Variants in DYM observed in about 807,000 individuals in gnomAD.
The protein encoded by DYM is dyggve-Melchior-Clausen syndrome protein.
In DYM, 78 loss-of-function variants were observed where a neutral mutation model predicts 93.1. The ratio of observed to expected loss-of-function variants is 0.84; its 90% CI spans 0.70 to 1.01. The LOEUF (loss-of-function observed/expected upper bound fraction) is 1.01. DYM is among the 50% of genes least tolerant of loss of function. DYM has a pLI of 0.00. For missense variants in DYM, 789 were observed against 845.0 expected (o/e 0.93, Z 0.82); for synonymous variants, 321 against 319.7 (o/e 1.00, Z -0.04).
At chr18:49,219,259 A>G (rs963051074) in intron 13 of DYM, among the ~76,000 whole-genome samples, 3 of 152,226 alleles carry the variant, frequency 2.0e-5, no homozygotes, top group Admixed American at 1.3e-4. Context: ...TTGTGGCAAT[A>G]ATCAATAGCT....
rs147373807 is a variant in DYM, at chr18:49,332,348, C to T, written c.621-342G>A. Among the ~76,000 whole-genome samples, 508 of 152,282 alleles carry T rather than the reference C, an allele frequency of 3.3e-3. 6 individuals carry two copies. The highest frequency in any genetic ancestry group is 0.019 in the Admixed American group (285 of 15,300). ...AACTCCTAAACTCAAGCGATCCTCC[C>T]GCTTCAGCCTCCCAAAGTGCTGAGA... On this transcript the variant is annotated intron_variant, in intron 7 of 17. Transcript: ENST00000675505.
At chr18:49,356,476 T>TA (rs2065575462) in intron 6 of DYM, among the ~76,000 whole-genome samples, 1 of 152,180 alleles carries the variant, frequency 6.6e-6, no homozygotes, top group South Asian at 2.1e-4. Flanking sequence ...TTGCAACACC[T>TA]AAAACTTAAA....
At chr18:49,185,779 C>A (rs1211961776) in intron 14 of DYM, among the ~76,000 whole-genome samples, 1 of 152,144 alleles carries the variant, frequency 6.6e-6, no homozygotes, top group Non-Finnish European at 1.5e-5. Flanking sequence ...CTGTTATTCC[C>A]AACTTGCTTG....
intron 17 of DYM, among the ~76,000 whole-genome samples, chr18:49,072,876 G>C (rs2077000470): frequency 6.6e-6 from 1 of 152,114 alleles, no homozygotes; most frequent in South Asian, 2.1e-4. Flanking sequence ...TTGCTATCGT[G>C]TGCCCCTTCC....
chr18:49,250,275 A>G (rs2094257240), intron 13 of DYM, among the ~76,000 whole-genome samples: 1 of 152,214 alleles, frequency 6.6e-6, no homozygotes, highest in Non-Finnish European at 1.5e-5. Flanking sequence ...TATCTCCAGT[A>G]ATTATTACTC....
chr18:49,266,425 G>T (rs1313840771), intron 11 of DYM, among the ~76,000 whole-genome samples: 2 of 152,140 alleles, frequency 1.3e-5, no homozygotes, highest in African/African-American at 4.8e-5. Context: ...AGACCAGCCT[G>T]GGCAACATGG....
At chr18:49,416,260 C>A (rs897251934) in intron 2 of DYM, among the ~76,000 whole-genome samples, 2 of 152,128 alleles carry the variant, frequency 1.3e-5, no homozygotes, top group African/African-American at 2.4e-5. Flanking sequence ...TTATTATTTC[C>A]ATTTTACAAA....
At chr18:49,332,744 C>A (rs1456114094) in intron 7 of DYM, among the ~76,000 whole-genome samples, 1 of 152,068 alleles carries the variant, frequency 6.6e-6, no homozygotes, top group East Asian at 1.9e-4. Flanking sequence ...CATAATGATA[C>A]TATAAAAACC....
At chr18:49,188,777 C>T (rs2090691363) in intron 14 of DYM, among the ~76,000 whole-genome samples, 1 of 152,086 alleles carries the variant, frequency 6.6e-6, no homozygotes, top group East Asian at 1.9e-4. Flanking sequence ...CAATGTGGCA[C>T]ATGTATACGT....
intron 15 of DYM, among the ~76,000 whole-genome samples, chr18:49,155,669 A>G (rs772469630): frequency 6.6e-6 from 1 of 152,234 alleles, no homozygotes; most frequent in African/African-American, 2.4e-5. Context: ...TTCACTTAGC[A>G]TAATGTTTTC....
intron 15 of DYM, among the ~76,000 whole-genome samples, chr18:49,134,740 T>C (rs1301929294): frequency 6.6e-6 from 1 of 152,222 alleles, no homozygotes; most frequent in African/African-American, 2.4e-5. Context: ...TAAAATAAGA[T>C]GTAGTCCTTG....
chr18:49,370,683 C>T (rs2066954133), intron 5 of DYM, among the ~76,000 whole-genome samples: 1 of 152,194 alleles, frequency 6.6e-6, no homozygotes, highest in South Asian at 2.1e-4. Flanking sequence ...AGGAGAACCA[C>T]TTGAACCCAG....
intron 8 of DYM, among the ~76,000 whole-genome samples, chr18:49,324,975 C>T (rs2062780666): frequency 6.6e-6 from 1 of 152,038 alleles, no homozygotes; most frequent in Non-Finnish European, 1.5e-5. Flanking sequence ...TGACTCTATC[C>T]CAAATCTTCT....
chr18:49,378,572 T>G lies in DYM; in HGVS notation c.416A>C (p.Asn139Thr), dbSNP rs747398994. 37 of 1,609,426 alleles carry G rather than the reference T, an allele frequency of 2.3e-5. 1 individual carries two copies. In the South Asian group the frequency reaches 4.0e-4, roughly 17 times the overall value. ...HFTYEEKSPGNYSSDSEDLLE... is the reference protein window; with the variant it reads ...HFTYEEKSPGTYSSDSEDLLE... Reference sequence around the variant, plus strand: ...TCTTTAAAAACAATACTTACTGTAATTGCCAGGAGATTTTTCTTCATAAGT... The same window carrying G: ...TCTTTAAAAACAATACTTACTGTAAGTGCCAGGAGATTTTTCTTCATAAGT... Residue 139 changes from asparagine to threonine, a missense_variant, in exon 5 of 18, where the codon AAT becomes ACT. Physicochemically the swap from Asn to Thr is moderately conservative, Grantham distance 65 (BLOSUM62 0). Around this residue, in one of 3 missense-constraint regions of DYM, gnomAD observed 450 missense variants for 436.2 expected, o/e 1.03. Transcript: ENST00000675505.
chr18:49,289,758 T>TATATATATATATACAC (rs2059960238), intron 8 of DYM, among the ~76,000 whole-genome samples: 2 of 38,178 alleles, frequency 5.2e-5, no homozygotes, highest in African/African-American at 1.4e-4. Flanking sequence ...TATATATATA[T>TATATATATATATACAC]ATATATATAT....
intron 1 of DYM, among the ~76,000 whole-genome samples, chr18:49,451,619 C>A (rs2082523367): frequency 6.6e-6 from 1 of 152,228 alleles, no homozygotes; most frequent in South Asian, 2.1e-4. Context: ...TCTTGTGGAA[C>A]AGAGTTCCAT....
At chr18:49,228,233 G>A (rs2093596564) in intron 13 of DYM, among the ~76,000 whole-genome samples, 2 of 152,132 alleles carry the variant, frequency 1.3e-5, no homozygotes, top group Admixed American at 1.3e-4. Context: ...GTCATCTTAT[G>A]TATGGGAGTT....
intron 17 of DYM, among the ~76,000 whole-genome samples, chr18:49,055,898 G>A (rs961958248): frequency 6.6e-6 from 1 of 152,180 alleles, no homozygotes; most frequent in East Asian, 1.9e-4. Context: ...TCCTGGGAGG[G>A]CTCACACCAA....
At chr18:49,382,495 A>C (rs1410749545) in intron 3 of DYM, among the ~76,000 whole-genome samples, 1 of 152,252 alleles carries the variant, frequency 6.6e-6, no homozygotes, top group Non-Finnish European at 1.5e-5. Context: ...AAGAAATTTT[A>C]CATGATCACA....
Sources: gnomAD v4.1 joint callset for allele counts (sites outside exome capture counted in the v4.1 genomes callset) on GRCh38, gnomAD v4.1.1 for gene constraint, gnomAD v4.1.1 regional missense constraint, MANE v1.5 for transcripts, NCBI Gene and HGNC (gene_info 2026-07-23, HGNC 2026-07-21) for gene names.